The following NOL4 variants were observed in gnomAD, a reference collection of about 807,000 sequenced individuals.
NOL4 encodes nucleolar protein 4, also known as cancer/testis antigen 125.
NOL4 carries 17 observed loss-of-function variants against 75.9 expected under a neutral mutation model. That is an observed-to-expected ratio of 0.22 (90% confidence interval 0.15 to 0.34). The LOEUF (loss-of-function observed/expected upper bound fraction) is 0.34. Among genes scored for constraint, NOL4 ranks in the 10% least tolerant of loss-of-function variants. The pLI is 1.00. For missense variants in NOL4, 614 were observed against 793.5 expected (o/e 0.77, Z 2.72); for synonymous variants, 292 against 289.9 (o/e 1.01, Z -0.07).
At chr18:34,090,880 G>A (rs1053461452) in intron 5 of NOL4, among the ~76,000 whole-genome samples, 1 of 152,004 alleles carries the variant, frequency 6.6e-6, no homozygotes, top group Non-Finnish European at 1.5e-5. Context: ...TTGCAGGGGT[G>A]GTGCAGAGAA....
intron 1 of NOL4, among the ~76,000 whole-genome samples, chr18:34,190,667 T>C (rs1042490128): frequency 6.6e-6 from 1 of 151,716 alleles, no homozygotes; most frequent in Non-Finnish European, 1.5e-5. Flanking sequence ...ACATTTTTAA[T>C]ATATAAAAAC....
rs779066858 is a variant in NOL4, at chr18:33,852,802, C to A, written c.*40G>T. The A allele has an allele frequency of 6.4e-7, 1 of 1,560,782 alleles. No homozygotes were observed. Reference sequence around the variant, plus strand: ...GAAATCAAAATGTCATTAGTGGAAACTGCAAATTTAGACCTCAGTGAATAT... The same window carrying A: ...GAAATCAAAATGTCATTAGTGGAAAATGCAAATTTAGACCTCAGTGAATAT... On this transcript the variant is annotated 3_prime_UTR_variant, in exon 11 of 11. Transcript: ENST00000261592.
At chr18:34,001,026 C>G (rs972516958) in intron 6 of NOL4, among the ~76,000 whole-genome samples, 10 of 151,976 alleles carry the variant, frequency 6.6e-5, no homozygotes, top group African/African-American at 2.4e-4. Context: ...TAGGTCCTCA[C>G]AGAAAAACAA....
At chr18:34,022,339 A>T (rs1374487078) in intron 5 of NOL4, among the ~76,000 whole-genome samples, 1 of 152,018 alleles carries the variant, frequency 6.6e-6, no homozygotes, top group East Asian at 1.9e-4. Flanking sequence ...GAAAGAAAAA[A>T]TACATAGGAA....
At chr18:33,900,965 A>G (rs2065714541) in intron 9 of NOL4, among the ~76,000 whole-genome samples, 1 of 152,168 alleles carries the variant, frequency 6.6e-6, no homozygotes, top group Admixed American at 6.6e-5. Flanking sequence ...GCATGCTACA[A>G]ATTGGTTTAT....
chr18:34,068,350 G>C (rs1187960018), intron 5 of NOL4, among the ~76,000 whole-genome samples: 1 of 151,518 alleles, frequency 6.6e-6, no homozygotes, highest in Admixed American at 6.6e-5. Flanking sequence ...AGTGAAGGAG[G>C]AACAATGCTA....
chr18:34,166,765 C>T lies in NOL4; in HGVS notation c.265-36745G>A, dbSNP rs1356221217. ...ATAATAGTAAAAAAAAGGCCGGGCG[C>T]GGTGGCTCACGCCTGTAATCCCAGC... On this transcript the variant is annotated intron_variant, in intron 1 of 10. Coordinates refer to ENST00000261592, the MANE Select transcript of NOL4 (RefSeq NM_003787.5). Among the ~76,000 whole-genome samples the T allele has an allele frequency of 7.9e-5, 3 of 38,164 alleles. 1 individual carries two copies. Among genetic ancestry groups the T allele is most frequent in the Non-Finnish European group, 1.2e-4 (2 of 16,056 alleles). 25.0% of individuals were successfully genotyped at this position (38,164 alleles called of 152,430 possible).
At chr18:33,979,114 G>A (rs138228335) in intron 6 of NOL4, among the ~76,000 whole-genome samples, 3 of 152,142 alleles carry the variant, frequency 2.0e-5, no homozygotes, top group Non-Finnish European at 4.4e-5. Context: ...TGATTGTAGA[G>A]CTTTGGTTTT....
chr18:34,034,536 C>T (rs1281146238), intron 5 of NOL4, among the ~76,000 whole-genome samples: 1 of 152,074 alleles, frequency 6.6e-6, no homozygotes, highest in African/African-American at 2.4e-5. Flanking sequence ...GCCAGGAGTT[C>T]GAGACCAGCC....
rs573362420 is a variant in NOL4, at chr18:34,021,128, A to G, written c.773-1527T>C. On this transcript the variant is annotated intron_variant, in intron 5 of 10. Coordinates refer to ENST00000261592, the MANE Select transcript of NOL4 (RefSeq NM_003787.5). ...ATTTGTTAAGTGCTTACTCTGACCA[A>G]TATGGGGTTAAGTATTTGGCCTGTA... Among the ~76,000 whole-genome samples the G allele has an allele frequency of 2.0e-5, 3 of 152,326 alleles. No individual in the cohort carries two copies. The South Asian group carries it at 6.2e-4, about 32-fold the overall frequency.
At chr18:34,108,238 TAC>T (rs2079407783) in intron 2 of NOL4, among the ~76,000 whole-genome samples, 1 of 151,846 alleles carries the variant, frequency 6.6e-6, no homozygotes, top group African/African-American at 2.4e-5. Context: ...AATCAAAACA[TAC>T]AACTACACAA....
intron 1 of NOL4, among the ~76,000 whole-genome samples, chr18:34,141,134 A>G (rs1181594618): frequency 6.6e-6 from 1 of 152,212 alleles, no homozygotes; most frequent in Non-Finnish European, 1.5e-5. Context: ...AAGGGAAGTG[A>G]AGGACCTCTT....
intron 10 of NOL4, among the ~76,000 whole-genome samples, chr18:33,869,939 A>T (rs1349803936): frequency 6.6e-6 from 1 of 152,104 alleles, no homozygotes; most frequent in African/African-American, 2.4e-5. Context: ...TATATGAAGA[A>T]AGGCAGGGTG....
intron 10 of NOL4, among the ~76,000 whole-genome samples, chr18:33,879,553 C>T (rs559082644): frequency 2.2e-4 from 34 of 152,034 alleles, no homozygotes; most frequent in African/African-American, 8.0e-4. Flanking sequence ...TGGAGGCATG[C>T]ACCTGTAGTA....
intron 5 of NOL4, among the ~76,000 whole-genome samples, chr18:34,024,261 T>C (rs1490125771): frequency 7.0e-6 from 1 of 143,346 alleles, no homozygotes; most frequent in Non-Finnish European, 1.5e-5. Flanking sequence ...GTCCCAAAAT[T>C]CAGGTCAGAT....
At chr18:33,934,711 A>G (rs764137124) in intron 9 of NOL4, among the ~76,000 whole-genome samples, 7 of 152,114 alleles carry the variant, frequency 4.6e-5, no homozygotes, top group Non-Finnish European at 1.0e-4. Flanking sequence ...TCTTCATAGA[A>G]TTGAAGAGAG....
intron 5 of NOL4, among the ~76,000 whole-genome samples, chr18:34,064,454 A>G (rs550687570): frequency 1.3e-5 from 2 of 152,070 alleles, no homozygotes; most frequent in East Asian, 3.9e-4. Flanking sequence ...TGTACCCTCC[A>G]TTCAGAAGTT....
At chr18:34,029,748 T>C (rs2075541018) in intron 5 of NOL4, among the ~76,000 whole-genome samples, 1 of 152,240 alleles carries the variant, frequency 6.6e-6, no homozygotes, top group Non-Finnish European at 1.5e-5. Flanking sequence ...TCTAGTTTTC[T>C]GATAAAATGT....
intron 6 of NOL4, among the ~76,000 whole-genome samples, chr18:34,010,814 G>C (rs1038443124): frequency 1.3e-5 from 2 of 151,824 alleles, no homozygotes; most frequent in African/African-American, 4.8e-5. Context: ...ATGAGGTTGA[G>C]CATTTTTTCA....
Sources: gnomAD v4.1 joint callset for allele counts (sites outside exome capture counted in the v4.1 genomes callset) on GRCh38, gnomAD v4.1.1 for gene constraint, MANE v1.5 for transcripts, NCBI Gene and HGNC (gene_info 2026-07-23, HGNC 2026-07-21) for gene names.